PABPC4L: variants seen among roughly 807,000 people sequenced by gnomAD.
PABPC4L encodes polyadenylate-binding protein 4-like.
For missense variants in PABPC4L, 452 were observed against 451.4 expected, an observed-to-expected ratio of 1.00 and a Z score of -0.01; for synonymous variants, 169 against 164.1, an observed-to-expected ratio of 1.03 and a Z score of -0.23.
At chr4:134,169,798 T>G in the PABPC4L span, among the ~76,000 whole-genome samples, 4 of 152,238 alleles carry the variant, frequency 2.6e-5, no homozygotes, top group Admixed American at 2.6e-4. Context: ...ACAAAAAAAG[T>G]AAAGACATTC....
At chr4:134,021,574 T>C in the PABPC4L span, among the ~76,000 whole-genome samples, 7 of 152,106 alleles carry the variant, frequency 4.6e-5, no homozygotes, top group East Asian at 1.9e-4. Flanking sequence ...TAAAAAATGA[T>C]TGATGTAAAA....
At chr4:134,000,406 G>T in the PABPC4L span, among the ~76,000 whole-genome samples, 1 of 152,174 alleles carries the variant, frequency 6.6e-6, no homozygotes, top group African/African-American at 2.4e-5. Context: ...AACAGTTACT[G>T]GTACTTATTC....
downstream of PABPC4L, among the ~76,000 whole-genome samples, chr4:134,195,023 G>T (rs1421065728): frequency 6.6e-6 from 1 of 151,594 alleles, no homozygotes; most frequent in Non-Finnish European, 1.5e-5. Flanking sequence ...ATAACTGATG[G>T]CCTTTTGCCA....
chr4:134,192,138 T>C (rs985551684), downstream of PABPC4L, among the ~76,000 whole-genome samples: 6 of 152,070 alleles, frequency 3.9e-5, no homozygotes, highest in Admixed American at 3.3e-4. Flanking sequence ...AAGTGATATA[T>C]GAATAAACAA....
rs1729706976 is a variant in PABPC4L at position 134,197,680 on chromosome 4, GGTCA to G, written c.*2223_*2226del. The G allele has an allele frequency of 6.6e-6, 1 of 151,580 alleles. No individual in the cohort carries two copies. Among genetic ancestry groups the G allele is most frequent in the Non-Finnish European group, 1.5e-5 (1 of 67,642 alleles). The allele number at this position is 151,580 out of a possible 1,614,324, so 9.4% of individuals were successfully genotyped here. Reference sequence around the variant, plus strand: ...AACTTATAAGTATGAAAATACAAATGGTCAGTGAGTACACAAATACTGTTTAACT... The same window carrying G: ...AACTTATAAGTATGAAAATACAAATGGTGAGTACACAAATACTGTTTAACT... On this transcript the variant is annotated 3_prime_UTR_variant, in exon 2 of 2. Coordinates refer to ENST00000421491, the MANE Select transcript of PABPC4L (RefSeq NM_001114734.2).
chr4:134,089,329 G>T, the PABPC4L span, among the ~76,000 whole-genome samples: 2 of 151,998 alleles, frequency 1.3e-5, no homozygotes, highest in African/African-American at 4.8e-5. Context: ...CACGCACCCA[G>T]CTCCCTCATT....
chr4:134,002,624 T>C, the PABPC4L span, among the ~76,000 whole-genome samples: 1 of 152,026 alleles, frequency 6.6e-6, no homozygotes, highest in Non-Finnish European at 1.5e-5. Context: ...AATTTAGTTA[T>C]GTGCCCTTAA....
At chr4:134,154,677 G>T in the PABPC4L span, among the ~76,000 whole-genome samples, 1 of 151,242 alleles carries the variant, frequency 6.6e-6, no homozygotes, top group Non-Finnish European at 1.5e-5. Flanking sequence ...TTAATATTTT[G>T]CATTATTTGT....
the PABPC4L span, among the ~76,000 whole-genome samples, chr4:134,155,571 A>ATT: frequency 8.3e-4 from 127 of 152,104 alleles, 5 homozygotes; most frequent in East Asian, 0.022. Context: ...GAAATAAATA[A>ATT]TTTTTATTTT....
At chr4:134,117,227 G>C in the PABPC4L span, among the ~76,000 whole-genome samples, 1 of 151,858 alleles carries the variant, frequency 6.6e-6, no homozygotes, top group South Asian at 2.1e-4. Flanking sequence ...TGTTGTGTCT[G>C]AGCAGGCTGC....
chr4:134,080,561 A>T, the PABPC4L span, among the ~76,000 whole-genome samples: 1 of 152,158 alleles, frequency 6.6e-6, no homozygotes. Context: ...TAATTCTCTA[A>T]CTTCAGAGTG....
the PABPC4L span, among the ~76,000 whole-genome samples, chr4:134,081,975 G>A: frequency 6.6e-6 from 1 of 152,070 alleles, no homozygotes; most frequent in Admixed American, 6.6e-5. Flanking sequence ...TGTGTATATT[G>A]TCAGCTTGAA....
chr4:134,109,986 G>A, the PABPC4L span, among the ~76,000 whole-genome samples: 1 of 152,086 alleles, frequency 6.6e-6, no homozygotes, highest in Non-Finnish European at 1.5e-5. Context: ...GCAGAGCCCT[G>A]TACCTAACAA....
the PABPC4L span, among the ~76,000 whole-genome samples, chr4:133,981,275 T>G: frequency 6.6e-6 from 1 of 152,340 alleles, no homozygotes. Flanking sequence ...AATTAGGTTT[T>G]ATGTGACTTA....
At chr4:134,173,590 G>C in the PABPC4L span, among the ~76,000 whole-genome samples, 1 of 151,960 alleles carries the variant, frequency 6.6e-6, no homozygotes, top group African/African-American at 2.4e-5. Flanking sequence ...AAGAGTGGAT[G>C]GTAAATGGGT....
the PABPC4L span, among the ~76,000 whole-genome samples, chr4:134,084,597 G>T: frequency 1.3e-5 from 2 of 151,638 alleles, no homozygotes; most frequent in African/African-American, 4.9e-5. Flanking sequence ...AATATGTTCA[G>T]GTTGCCAGTT....
the PABPC4L span, among the ~76,000 whole-genome samples, chr4:134,088,366 G>T: frequency 6.6e-6 from 1 of 152,050 alleles, no homozygotes; most frequent in African/African-American, 2.4e-5. Flanking sequence ...TAGAGGAAAA[G>T]TTTTTCTTCC....
chr4:134,042,264 G>T, the PABPC4L span, among the ~76,000 whole-genome samples: 1 of 152,194 alleles, frequency 6.6e-6, no homozygotes, highest in East Asian at 1.9e-4. Flanking sequence ...GGCATGCAGA[G>T]TGGTACAATG....
chr4:134,193,967 T>C (rs756462641), downstream of PABPC4L, among the ~76,000 whole-genome samples: 7 of 151,904 alleles, frequency 4.6e-5, no homozygotes, highest in Non-Finnish European at 1.0e-4. Context: ...ACCTGTATAG[T>C]GAAAGATACC....
Sources: gnomAD v4.1 joint callset for allele counts (sites outside exome capture counted in the v4.1 genomes callset) on GRCh38, gnomAD v4.1.1 for gene constraint, MANE v1.5 for transcripts, NCBI Gene and HGNC (gene_info 2026-07-23, HGNC 2026-07-21) for gene names.